Variants in NSUN2 observed in about 807,000 individuals in gnomAD.
NSUN2 encodes NOP2/Sun RNA methyltransferase 2.
In NSUN2, 63 loss-of-function variants were observed where a neutral mutation model predicts 92.7. The ratio of observed to expected loss-of-function variants is 0.68; its 90% CI spans 0.56 to 0.84. The LOEUF (loss-of-function observed/expected upper bound fraction) is 0.84. Ranked by LOEUF, NSUN2 falls within the 40% of genes least tolerant of loss-of-function variation. The pLI is 0.00. For synonymous variants in NSUN2, 356 were observed against 348.3 expected (o/e 1.02, Z -0.25); for missense variants, 989 against 964.9 (o/e 1.02, Z -0.33).
intron 15 of NSUN2, 56 bp from the exon 16 acceptor site, chr5:6,604,741 G>T: frequency 1.4e-6 from 2 of 1,438,558 alleles, no homozygotes; most frequent in East Asian, 2.3e-5. Context: ...ACCATCTCCT[G>T]TAAGGATGCC....
At chr5:6,605,187 G>T in intron 15 of NSUN2, 86 bp downstream of exon 15, 1 of 1,554,124 alleles carries the variant, frequency 6.4e-7, no homozygotes, top group Non-Finnish European at 8.7e-7. Context: ...CAGATGTCAC[G>T]GTCTGCTCCA....
intron 15 of NSUN2, 121 bp downstream of exon 15, chr5:6,605,152 C>A (rs967819538): frequency 3.0e-6 from 4 of 1,342,792 alleles, no homozygotes; most frequent in Non-Finnish European, 4.1e-6. Flanking sequence ...CAGGGACCCA[C>A]AGCCAGCGCT....
At chr5:6,600,333 C>T (rs889684913) in intron 18 of NSUN2, 101 bp from the exon 19 acceptor site, 1 of 1,121,764 alleles carries the variant, frequency 8.9e-7, no homozygotes, top group South Asian at 1.6e-5. Context: ...CCACAGAAAA[C>T]CCATACCCAC....
At chr5:6,610,846 C>T in intron 11 of NSUN2, 109 bp downstream of exon 11, 2 of 1,347,048 alleles carry the variant, frequency 1.5e-6, no homozygotes, top group Non-Finnish European at 2.0e-6. Flanking sequence ...CCAAGCCTCA[C>T]AGCAATGTCA....
intron 3 of NSUN2, among the ~76,000 whole-genome samples, chr5:6,629,664 G>A (rs1737793235): frequency 6.6e-6 from 1 of 152,194 alleles, no homozygotes; most frequent in Admixed American, 6.5e-5. Context: ...AAATATTTTA[G>A]ATGGTTTGGC....
chr5:6,626,450 A>C (rs1737659650), intron 3 of NSUN2, among the ~76,000 whole-genome samples: 1 of 151,540 alleles, frequency 6.6e-6, no homozygotes, highest in Admixed American at 6.6e-5. Flanking sequence ...GCTCACTGTG[A>C]CTTCTGCCTC....
chr5:6,626,290 G>A (rs1314241112), intron 3 of NSUN2, among the ~76,000 whole-genome samples: 2 of 151,700 alleles, frequency 1.3e-5, no homozygotes, highest in African/African-American at 2.4e-5. Context: ...GAATATATTT[G>A]AACTTTCTAT....
At chr5:6,605,237 G>GC in intron 15 of NSUN2, 36 bp downstream of exon 15, 1 of 1,609,680 alleles carries the variant, frequency 6.2e-7, no homozygotes, top group Non-Finnish European at 8.5e-7. Context: ...CACGCATCCC[G>GC]CATCACACAG....
rs1333817754 is a variant in NSUN2, at chr5:6,625,632, G to T, written c.397C>A (p.Arg133=). Residue 133 remains arginine, a synonymous_variant, in exon 4 of 19, where the codon CGA becomes AGA. Coordinates refer to ENST00000264670, the MANE Select transcript of NSUN2 (RefSeq NM_017755.6). ...TGTGGCGATTTTCTCAAGATTTTTC[G>T]ACTTAAATTTGTGTGCCAGGCAAGT... is the stretch of plus-strand genomic sequence containing the variant. ...EELAWHTNLS[R]KILRKSPHLE... is the part of the protein sequence containing the mutation. The T allele has an allele frequency of 1.2e-6, 2 of 1,614,090 alleles. No homozygotes were observed. Among genetic ancestry groups the T allele is most frequent in the Admixed American group, 3.3e-5 (2 of 60,016 alleles).
chr5:6,607,777 T>A (rs977695032), intron 12 of NSUN2, among the ~76,000 whole-genome samples: 1 of 152,080 alleles, frequency 6.6e-6, no homozygotes, highest in African/African-American at 2.4e-5. Flanking sequence ...AAAAGACAAG[T>A]ATATAAATAA....
chr5:6,615,283 G>A (rs1469650971), intron 9 of NSUN2, among the ~76,000 whole-genome samples: 8 of 152,208 alleles, frequency 5.3e-5, no homozygotes, highest in Non-Finnish European at 1.0e-4. Flanking sequence ...AAAGCAGACT[G>A]TGGCAAGGGA....
At chr5:6,602,244 T>C (rs962880174) in intron 18 of NSUN2, among the ~76,000 whole-genome samples, 4 of 152,224 alleles carry the variant, frequency 2.6e-5, no homozygotes, top group Non-Finnish European at 5.9e-5. Context: ...AAGTAAAAAT[T>C]CACTTAGCCT....
At position 6,632,624 on chromosome 5, in the gene NSUN2, T is replaced by G; in HGVS notation, c.229A>C (p.Thr77Pro). 1.2e-6 allele frequency: 2 copies of G among 1,614,124 alleles called. No homozygotes were observed. The highest frequency in any genetic ancestry group is 2.2e-5 in the South Asian group (2 of 91,088). Residue 77 changes from threonine (T) to proline (P), a missense_variant, in exon 2 of 19, where the codon ACT (threonine) becomes CCT (proline). By Grantham distance (38) the Thr-to-Pro change is conservative. This residue lies in a region of NSUN2 where 356 missense variants were observed against 338.6 expected (regional missense o/e 1.05). Transcript: ENST00000264670. ...CTTTTGTAACCAGTAATTCTTAAAG[T>G]GGCCGGGAGCGGCTCCCTGAGAGCG... ...MDALREPLPA[T>P]LRITGYKSHA...
chr5:6,629,803 T>A (rs1357617444), intron 3 of NSUN2, among the ~76,000 whole-genome samples: 2 of 152,206 alleles, frequency 1.3e-5, no homozygotes, highest in African/African-American at 2.4e-5. Flanking sequence ...GAGTTCGTTC[T>A]CAGGGGGAGA....
In NSUN2 at chr5:6,623,299, A is replaced by G. The variant is rs1223674498; in HGVS notation, c.466-14T>C. The stretch of plus-strand genomic sequence containing the variant: ...ACTAATATTTCCCTTGAGGAAAAAA[A>G]AAAAATCAGCAACAATTAGGAAAAA... On this transcript the variant is annotated splice_polypyrimidine_tract_variant and intron_variant, in intron 4 of 18. Coordinates refer to ENST00000264670, the MANE Select transcript of NSUN2 (RefSeq NM_017755.6). 6.4e-7 allele frequency: 1 copy of G among 1,562,728 alleles called. No individual in the cohort carries two copies. Among genetic ancestry groups the G allele is most frequent in the Admixed American group, 2.2e-5 (1 of 45,804 alleles).
In NSUN2 at chr5:6,620,219, G is replaced by A. The variant is rs766112118; in HGVS notation, c.702C>T (p.Pro234=). ...CATCATGGTTGACCACCATGATGCAGGGGCTGCTCAGCCTCTTGGCTTGAT... is the reference window on the plus strand; with the variant it reads ...CATCATGGTTGACCACCATGATGCAAGGGCTGCTCAGCCTCTTGGCTTGAT... ...LVHQAKRLSS[P]CIMVVNHDAS... is the part of the protein sequence containing the mutation. The change falls in exon 7 of 19, where the codon CCC becomes CCT. Residue 234 remains proline, a synonymous_variant. Coordinates refer to ENST00000264670, the MANE Select transcript of NSUN2 (RefSeq NM_017755.6). The A allele has an allele frequency of 3.1e-6, 5 of 1,612,974 alleles. No individual in the cohort carries two copies. The Admixed American group carries it at 8.4e-5, about 27-fold the overall frequency.
chr5:6,622,881 G>A (rs1263231772), intron 5 of NSUN2, among the ~76,000 whole-genome samples: 1 of 149,458 alleles, frequency 6.7e-6, no homozygotes, highest in African/African-American at 2.5e-5. Flanking sequence ...AAAGAGCACA[G>A]AGTAATGCTT....
chr5:6,630,451 G>A (rs370159715), intron 3 of NSUN2, among the ~76,000 whole-genome samples: 6 of 152,122 alleles, frequency 3.9e-5, no homozygotes, highest in South Asian at 2.1e-4. Flanking sequence ...GATTACAGGC[G>A]TGTGCCACCA....
At position 6,616,707 on chromosome 5, in the gene NSUN2, GATCC is replaced by G. The variant is rs374457414; in HGVS notation, c.1021+16_1021+19del. On this transcript the variant is annotated intron_variant, in intron 9 of 18. Coordinates refer to ENST00000264670, the MANE Select transcript of NSUN2 (RefSeq NM_017755.6). ...AAAGCCCCCTATGCTGTTAATAAAA[GATCC>G]ATCAAGCGTGCTTACCTTCACTTTT... 485 of 1,322,494 alleles carry G rather than the reference GATCC, an allele frequency of 3.7e-4. 3 individuals carry two copies. In the East Asian group the frequency reaches 0.015, roughly 42 times the overall value. The allele number at this position is 1,322,494 out of a possible 1,614,324, so 81.9% of individuals were successfully genotyped here.
Sources: allele counts gnomAD v4.1 joint callset (sites outside exome capture counted in the v4.1 genomes callset), GRCh38; gene constraint gnomAD v4.1.1; regional missense constraint gnomAD v4.1.1; transcripts MANE v1.5; gene names NCBI Gene and HGNC (gene_info 2026-07-23, HGNC 2026-07-21).